The following TMEM150C variants were observed in gnomAD, a reference collection of about 807,000 sequenced individuals.
TMEM150C encodes the protein tentonin 3.
A neutral mutation model predicts 29.9 loss-of-function variants in TMEM150C; 10 were observed. The ratio of observed to expected loss-of-function variants is 0.33; its 90% CI spans 0.21 to 0.57. TMEM150C has a LOEUF of 0.57. Ranked by LOEUF, TMEM150C falls within the 20% of genes least tolerant of loss-of-function variation. The probability of loss-of-function intolerance (pLI) is 0.88; values close to 1 mark genes in which losing one functional copy is unlikely to be tolerated. For missense variants in TMEM150C, 251 were observed against 303.6 expected (o/e 0.83, Z 1.29); for synonymous variants, 101 against 112.5 (o/e 0.90, Z 0.64).
intron 1 of TMEM150C, among the ~76,000 whole-genome samples, chr4:82,528,026 G>A (rs555731307): frequency 6.6e-6 from 1 of 152,334 alleles, no homozygotes; most frequent in South Asian, 2.1e-4. Context: ...CTAGGCCAGT[G>A]CTAGAAATAC....
At chr4:82,557,912 T>C (rs895300355) in intron 1 of TMEM150C, among the ~76,000 whole-genome samples, 4 of 151,962 alleles carry the variant, frequency 2.6e-5, no homozygotes, top group African/African-American at 4.8e-5. Context: ...TTTGTATTTT[T>C]AGTGGACACA....
intron 1 of TMEM150C, among the ~76,000 whole-genome samples, chr4:82,535,626 C>G (rs1724979186): frequency 6.6e-6 from 1 of 152,062 alleles, no homozygotes; most frequent in Admixed American, 6.6e-5. Flanking sequence ...ACTAAAAGGG[C>G]CTTCAAGTTG....
intron 5 of TMEM150C, among the ~76,000 whole-genome samples, chr4:82,498,613 G>T (rs867446968): frequency 2.1e-4 from 32 of 152,056 alleles, no homozygotes; most frequent in African/African-American, 7.0e-4. Flanking sequence ...AATGACCACT[G>T]AAAAGTATTA....
intron 5 of TMEM150C, among the ~76,000 whole-genome samples, chr4:82,499,888 G>A (rs1339598609): frequency 6.6e-6 from 1 of 151,904 alleles, no homozygotes; most frequent in Non-Finnish European, 1.5e-5. Flanking sequence ...TGTTTTGTTT[G>A]ACTCTTTATG....
intron 1 of TMEM150C, among the ~76,000 whole-genome samples, chr4:82,557,358 G>A (rs1725766045): frequency 6.6e-6 from 1 of 152,178 alleles, no homozygotes. Flanking sequence ...GGCTTCAGCT[G>A]CTCCTGGAGC....
chr4:82,532,700 A>T (rs1173733452), intron 1 of TMEM150C, among the ~76,000 whole-genome samples: 1 of 151,976 alleles, frequency 6.6e-6, no homozygotes, highest in African/African-American at 2.4e-5. Flanking sequence ...TCTTGTCTAT[A>T]GACATGCAAA....
intron 1 of TMEM150C, among the ~76,000 whole-genome samples, chr4:82,510,277 TCAAAAA>T (rs1449666608): frequency 2.6e-5 from 4 of 151,758 alleles, no homozygotes; most frequent in African/African-American, 9.7e-5. Context: ...AGACTCTATC[TCAAAAA>T]CAAAAACAAA....
At chr4:82,495,796 G>T (rs1417883141) in intron 6 of TMEM150C, 1 of 422,886 alleles carries the variant, frequency 2.4e-6, no homozygotes. Context: ...AATTTCTGTG[G>T]CCATATGCTT....
chr4:82,533,168 T>G (rs1724902454), intron 1 of TMEM150C, among the ~76,000 whole-genome samples: 1 of 137,788 alleles, frequency 7.3e-6, no homozygotes, highest in South Asian at 2.2e-4. Context: ...AATTCTCTTT[T>G]TAACTGGTTA....
intron 5 of TMEM150C, among the ~76,000 whole-genome samples, chr4:82,499,855 G>T (rs1284068498): frequency 3.3e-5 from 5 of 151,576 alleles, no homozygotes; most frequent in African/African-American, 1.2e-4. Context: ...GTTCTAAACT[G>T]GTACCTGGCC....
upstream of TMEM150C, chr4:82,562,186 C>G: frequency 1.6e-6 from 2 of 1,282,314 alleles, no homozygotes; most frequent in African/African-American, 3.1e-5. Flanking sequence ...CGGGTGTGGG[C>G]GGGCGAGCCG....
At chr4:82,546,251 G>A (rs1725382522) in intron 1 of TMEM150C, among the ~76,000 whole-genome samples, 1 of 152,028 alleles carries the variant, frequency 6.6e-6, no homozygotes, top group African/African-American at 2.4e-5. Context: ...AATTCACATG[G>A]AACTAAACAA....
At chr4:82,509,167 T>C (rs1334892516) in intron 1 of TMEM150C, among the ~76,000 whole-genome samples, 1 of 152,216 alleles carries the variant, frequency 6.6e-6, no homozygotes. Context: ...CAATCTGTGG[T>C]GTGAGTGAGA....
intron 1 of TMEM150C, among the ~76,000 whole-genome samples, chr4:82,530,406 A>C (rs2110082540): frequency 6.6e-6 from 1 of 152,100 alleles, no homozygotes; most frequent in Middle Eastern, 3.4e-3. Flanking sequence ...AAATACAAAA[A>C]ATTAGCCGGG....
chr4:82,556,244 T>C (rs902163824), intron 1 of TMEM150C, among the ~76,000 whole-genome samples: 5 of 152,176 alleles, frequency 3.3e-5, no homozygotes, highest in Non-Finnish European at 7.3e-5. Context: ...TCCCAGAGTG[T>C]TGGGATTACA....
intron 1 of TMEM150C, among the ~76,000 whole-genome samples, chr4:82,515,114 G>T (rs1031310443): frequency 2.0e-5 from 3 of 151,970 alleles, no homozygotes; most frequent in African/African-American, 7.3e-5. Context: ...TTAACAGAAC[G>T]ATTCTGAGGT....
rs534789941 is a variant in TMEM150C at position 82,485,361 on chromosome 4, G to T, written c.*150C>A. On this transcript the variant is annotated 3_prime_UTR_variant, in exon 8 of 8. Transcript: ENST00000449862. ...TGCTTTTTCATTAAAGAAATAACTCGCCCTGAAAAGCTCATTTGGCAAATG... is the reference window on the plus strand; with the variant it reads ...TGCTTTTTCATTAAAGAAATAACTCTCCCTGAAAAGCTCATTTGGCAAATG... 6.3e-6 allele frequency: 4 copies of T among 638,436 alleles called. No homozygotes were observed. Among genetic ancestry groups the T allele is most frequent in the African/African-American group, 3.7e-5 (2 of 54,426 alleles). The allele number at this position is 638,436 out of a possible 1,614,324, so 39.5% of individuals were successfully genotyped here.
At chr4:82,527,019 C>CTTTTTTTTTTTT (rs893109064) in intron 1 of TMEM150C, among the ~76,000 whole-genome samples, 1 of 74,690 alleles carries the variant, frequency 1.3e-5, no homozygotes, top group East Asian at 4.4e-4. Context: ...CATACTGGGT[C>CTTTTTTTTTTTT]TTTTTTTTTT....
At position 82,526,134 on chromosome 4, in the gene TMEM150C, G is replaced by A. The variant is rs962983770; in HGVS notation, c.-10-21467C>T. ...AGCCCAGGCTGGTCTCAAACTCCTA[G>A]GCTCAAGCAATCCTCCCACCTTGGC... On this transcript the variant is annotated intron_variant, in intron 1 of 7. Coordinates refer to ENST00000449862, the MANE Select transcript of TMEM150C (RefSeq NM_001080506.3). Among the ~76,000 whole-genome samples, 5 of 152,250 alleles carry A rather than the reference G, an allele frequency of 3.3e-5. No individual in the cohort carries two copies. In the South Asian group the frequency reaches 6.2e-4, roughly 19 times the overall value.
Sources: gnomAD v4.1 joint callset for allele counts (sites outside exome capture counted in the v4.1 genomes callset) on GRCh38, gnomAD v4.1.1 for gene constraint, MANE v1.5 for transcripts, NCBI Gene and HGNC (gene_info 2026-07-23, HGNC 2026-07-21) for gene names.